The following NELL1 variants were observed in gnomAD, a reference collection of about 807,000 sequenced individuals.
NELL1 encodes the protein neural EGFL like 1, also known as protein kinase C-binding protein NELL1.
In NELL1, 76 loss-of-function variants were observed where a neutral mutation model predicts 107.4. The observed-to-expected ratio is 0.71, with a 90% CI of 0.59 to 0.86. NELL1 has a LOEUF of 0.86. Ranked by LOEUF, NELL1 falls within the 40% of genes least tolerant of loss-of-function variation. The pLI is 0.00. For missense variants in NELL1, 1,024 were observed against 1,005.5 expected, an observed-to-expected ratio of 1.02 and a Z score of -0.25; for synonymous variants, 353 against 341.2, an observed-to-expected ratio of 1.03 and a Z score of -0.38.
At chr11:21,353,407 G>T (rs1212120815) in intron 14 of NELL1, among the ~76,000 whole-genome samples, 1 of 152,176 alleles carries the variant, frequency 6.6e-6, no homozygotes, top group Non-Finnish European at 1.5e-5. Context: ...CTTGCTGAAG[G>T]TCACACAGGT....
At chr11:21,466,515 T>C (rs905228742) in intron 15 of NELL1, among the ~76,000 whole-genome samples, 5 of 152,168 alleles carry the variant, frequency 3.3e-5, no homozygotes, top group African/African-American at 9.7e-5. Context: ...GGTATTTCCA[T>C]TGTGCTCAGT....
At chr11:20,686,017 G>A (rs1306308888) in intron 2 of NELL1, among the ~76,000 whole-genome samples, 1 of 151,790 alleles carries the variant, frequency 6.6e-6, no homozygotes. Context: ...GAAATGGGAC[G>A]AATAAAAAGA....
intron 14 of NELL1, among the ~76,000 whole-genome samples, chr11:21,363,278 G>T (rs939333433): frequency 6.6e-6 from 1 of 152,166 alleles, no homozygotes; most frequent in African/African-American, 2.4e-5. Flanking sequence ...GTATGTTCAA[G>T]GTACTTCCTG....
intron 14 of NELL1, among the ~76,000 whole-genome samples, chr11:21,310,972 G>C (rs116545410): frequency 1.3e-5 from 2 of 151,948 alleles, no homozygotes; most frequent in African/African-American, 2.4e-5. Context: ...TTCAAGCTTC[G>C]GTATATGGGC....
chr11:20,679,214 C>G (rs1854134187), intron 2 of NELL1, among the ~76,000 whole-genome samples: 1 of 152,168 alleles, frequency 6.6e-6, no homozygotes, highest in African/African-American at 2.4e-5. Flanking sequence ...AAGTATTACT[C>G]TTGCCCATAG....
intron 2 of NELL1, among the ~76,000 whole-genome samples, chr11:20,769,817 G>A (rs999360617): frequency 5.3e-5 from 8 of 152,136 alleles, no homozygotes; most frequent in Non-Finnish European, 1.2e-4. Flanking sequence ...CTTGCGCTCT[G>A]AGATCTGACA....
At chr11:21,374,885 GTC>G (rs1341785081) in intron 15 of NELL1, among the ~76,000 whole-genome samples, 513 of 88,698 alleles carry the variant, frequency 5.8e-3, no homozygotes, top group African/African-American at 0.019. Flanking sequence ...GACTGTGTGT[GTC>G]TGTGTGTGTG....
intron 2 of NELL1, 22 bp downstream of exon 2, chr11:20,678,082 C>T (rs1369337745): frequency 1.2e-6 from 2 of 1,613,474 alleles, no homozygotes; most frequent in African/African-American, 2.7e-5. Context: ...TCCTTTCTTG[C>T]ATGGTGGCAG....
intron 3 of NELL1, among the ~76,000 whole-genome samples, chr11:20,840,370 T>C (rs1848599194): frequency 6.6e-6 from 1 of 152,238 alleles, no homozygotes; most frequent in Non-Finnish European, 1.5e-5. Context: ...AAACTTTTGC[T>C]CACAGTTTCT....
intron 12 of NELL1, among the ~76,000 whole-genome samples, chr11:20,981,574 T>G (rs1181246523): frequency 6.6e-6 from 1 of 152,182 alleles, no homozygotes; most frequent in Non-Finnish European, 1.5e-5. Flanking sequence ...AGAGCCATAC[T>G]GGGGGCTGTT....
chr11:21,424,669 G>A (rs989277088), intron 15 of NELL1, among the ~76,000 whole-genome samples: 3 of 151,836 alleles, frequency 2.0e-5, no homozygotes, highest in African/African-American at 4.8e-5. Flanking sequence ...AAATGAGTAC[G>A]GTATGCTATC....
chr11:20,723,001 A>G (rs1388863752), intron 2 of NELL1, among the ~76,000 whole-genome samples: 1 of 152,186 alleles, frequency 6.6e-6, no homozygotes, highest in African/African-American at 2.4e-5. Context: ...GCCACACTTT[A>G]AAACTATCAG....
intron 2 of NELL1, among the ~76,000 whole-genome samples, chr11:20,776,478 T>C (rs1856753261): frequency 1.3e-5 from 2 of 150,876 alleles, no homozygotes; most frequent in South Asian, 4.2e-4. Context: ...AATAAAATTT[T>C]ATATATATAT....
chr11:20,960,318 C>T, intron 11 of NELL1, 114 bp from the exon 12 acceptor site: 4 of 1,112,380 alleles, frequency 3.6e-6, no homozygotes, highest in South Asian at 1.5e-5. Flanking sequence ...GTGCATACTG[C>T]CAAAGTGTAT....
rs146406936 is a variant in NELL1 at position 21,463,226 on chromosome 11, G to C, written c.1646-71148G>C. ...GGGTGATTGTTGGCTCCCACCTCCAGCACTTTGTAAAATTAGAGAGGTGAG... is the reference window on the plus strand; with the variant it reads ...GGGTGATTGTTGGCTCCCACCTCCACCACTTTGTAAAATTAGAGAGGTGAG... On this transcript the variant is annotated intron_variant, in intron 15 of 19. Transcript: ENST00000357134. Among the ~76,000 whole-genome samples the C allele has an allele frequency of 1.4e-4, 22 of 152,142 alleles. No homozygotes were observed. The East Asian group carries it at 4.3e-3, about 29-fold the overall frequency.
intron 14 of NELL1, among the ~76,000 whole-genome samples, chr11:21,283,421 A>G (rs866235026): frequency 6.6e-5 from 10 of 152,188 alleles, no homozygotes; most frequent in African/African-American, 2.4e-4. Flanking sequence ...TTTTGGACCA[A>G]GAGAAAACAG....
At chr11:20,902,258 G>A (rs1285904500) in intron 5 of NELL1, among the ~76,000 whole-genome samples, 1 of 150,930 alleles carries the variant, frequency 6.6e-6, no homozygotes, top group Non-Finnish European at 1.5e-5. Context: ...AAGAAATGCT[G>A]CAAATCAATA....
intron 15 of NELL1, among the ~76,000 whole-genome samples, chr11:21,518,756 C>A (rs1364777918): frequency 1.3e-5 from 2 of 152,110 alleles, no homozygotes; most frequent in Non-Finnish European, 2.9e-5. Context: ...CAGAGAAAAG[C>A]AAGCCTAAAA....
chr11:21,563,604 G>A (rs567629989), intron 17 of NELL1, among the ~76,000 whole-genome samples: 1 of 152,124 alleles, frequency 6.6e-6, no homozygotes, highest in African/African-American at 2.4e-5. Context: ...TAGTAATCTA[G>A]AGATGATTTA....
Sources: allele counts gnomAD v4.1 joint callset (sites outside exome capture counted in the v4.1 genomes callset), GRCh38; gene constraint gnomAD v4.1.1; transcripts MANE v1.5; gene names NCBI Gene and HGNC (gene_info 2026-07-23, HGNC 2026-07-21).